Variants in ARID4B observed in about 807,000 individuals in gnomAD.
ARID4B encodes AT-rich interactive domain-containing protein 4B.
A neutral mutation model predicts 147.5 loss-of-function variants in ARID4B; 26 were observed. That is an observed-to-expected ratio of 0.18 (90% CI 0.13 to 0.24). The LOEUF is 0.24. Ranked by LOEUF, ARID4B falls within the 10% of genes least tolerant of loss-of-function variation. The pLI is 1.00. For missense variants in ARID4B, 1,179 were observed against 1,511.5 expected (o/e 0.78, Z 3.65); for synonymous variants, 512 against 507.9 (o/e 1.01, Z -0.11).
intron 2 of ARID4B, among the ~76,000 whole-genome samples, chr1:235,270,471 C>G (rs61838767): frequency 2.0e-5 from 3 of 152,060 alleles, no homozygotes; most frequent in African/African-American, 7.2e-5. Context: ...ACCTAAGCTA[C>G]TTTAGGTTAT....
chr1:235,182,866 G>A lies in ARID4B; in HGVS notation c.2126-73C>T, dbSNP rs915089049. 8 of 1,433,762 alleles carry A rather than the reference G, an allele frequency of 5.6e-6. No homozygotes were observed. The South Asian group carries it at 1.1e-4, about 20-fold the overall frequency. The allele number at this position is 1,433,762 out of a possible 1,614,324, so 88.8% of individuals were successfully genotyped here. A position where few individuals can be genotyped will look rare whatever the true frequency, so the allele number is the denominator to read the frequency against. On this transcript the variant is annotated intron_variant, in intron 19 of 23. Transcript: ENST00000264183. ...CAATGTCTTCTATGTGCCAGGGACT[G>A]TATATATTAGGTCCTGTGTATACAG...
chr1:235,173,756 AAAAAAAAAAAAAAAAATATATATAT>A (rs1344311076), intron 22 of ARID4B, among the ~76,000 whole-genome samples: 9 of 44,664 alleles, frequency 2.0e-4, no homozygotes, highest in Non-Finnish European at 3.0e-4. Context: ...AAAAAAAAAA[AAAAAAAAAAAAAAAAATATATATAT>A]ATATATATAT....
intron 23 of ARID4B, among the ~76,000 whole-genome samples, chr1:235,170,945 A>G (rs1400054819): frequency 6.7e-6 from 1 of 150,276 alleles, no homozygotes; most frequent in Non-Finnish European, 1.5e-5. Flanking sequence ...CCACACACAC[A>G]CAAGTGGAAG....
At position 235,221,570 on chromosome 1, in the gene ARID4B, A is replaced by G; in HGVS notation, c.1158T>C (p.Tyr386=). ...TATCAATTATACTAACTTACTTTTT[A>G]TAAGCACATTTAACATTGTATCCTG... ...SAAGYNVKCA[Y]KKYLYGFEEY... is the part of the protein sequence containing the mutation. The change falls in exon 14 of 24, where the codon TAT becomes TAC. Residue 386 remains tyrosine, a synonymous_variant. Coordinates refer to ENST00000264183, the MANE Select transcript of ARID4B (RefSeq NM_016374.6). 6.3e-7 allele frequency: 1 copy of G among 1,577,488 alleles called. No individual in the cohort carries two copies. Among genetic ancestry groups the G allele is most frequent in the Admixed American group, 1.7e-5 (1 of 57,368 alleles).
Position 235,175,419 on chromosome 1 carries a change from T to C in ARID4B, c.3449-20A>G, listed in dbSNP as rs1383373525. On this transcript the variant is annotated intron_variant, in intron 21 of 23. Transcript: ENST00000264183. ...TATTTGCTGAAAGAGAAAGAAAAGA[T>C]TTAATAAACAAAAATGTAACAATAA... The C allele has an allele frequency of 6.4e-7, 1 of 1,560,580 alleles. No homozygotes were observed. Among genetic ancestry groups the C allele is most frequent in the East Asian group, 2.2e-5 (1 of 44,600 alleles).
In ARID4B at chr1:235,252,640, G is replaced by C. The variant is rs556461964; in HGVS notation, c.354+90C>G. 3.9e-6 allele frequency: 4 copies of C among 1,023,732 alleles called. No individual in the cohort carries two copies. In the East Asian group the frequency reaches 7.4e-5, roughly 19 times the overall value. 63.4% of individuals were successfully genotyped at this position (1,023,732 alleles called of 1,614,324 possible). ...GTGTATTAATGAACTTTCCTGATTA[G>C]GAAGTAGGTTTACTGAGTTGAGAAA... On this transcript the variant is annotated intron_variant, in intron 6 of 23. Transcript: ENST00000264183.
intron 2 of ARID4B, among the ~76,000 whole-genome samples, chr1:235,324,968 T>C (rs1313224597): frequency 6.6e-6 from 1 of 152,152 alleles, no homozygotes; most frequent in Non-Finnish European, 1.5e-5. Context: ...AAACAAAATT[T>C]AGGCCTAATA....
At chr1:235,271,253 G>A (rs916991393) in intron 2 of ARID4B, among the ~76,000 whole-genome samples, 2 of 152,054 alleles carry the variant, frequency 1.3e-5, no homozygotes, top group African/African-American at 4.8e-5. Flanking sequence ...TACTAAGGAG[G>A]CTGAGGTGGG....
At chr1:235,193,724 G>T (rs1017978205) in intron 19 of ARID4B, among the ~76,000 whole-genome samples, 1 of 152,094 alleles carries the variant, frequency 6.6e-6, no homozygotes, top group Non-Finnish European at 1.5e-5. Flanking sequence ...TACACTTTTT[G>T]AGTGCTGACG....
intron 7 of ARID4B, among the ~76,000 whole-genome samples, chr1:235,246,005 T>C (rs1669279278): frequency 6.6e-6 from 1 of 152,040 alleles, no homozygotes; most frequent in Non-Finnish European, 1.5e-5. Flanking sequence ...AAGGAAAGTG[T>C]GGGGAGACAC....
chr1:235,194,013 C>A lies in ARID4B; in HGVS notation c.2125G>T (p.Ala709Ser). ...ACAACAGAACGATTGTTATGTTTACCTTGAAGTCCATTAAGGATCGAAGTA... is the reference window on the plus strand; with the variant it reads ...ACAACAGAACGATTGTTATGTTTACATTGAAGTCCATTAAGGATCGAAGTA... ...EITSILNGLQ[A>S]SESSAEDSEQ... Residue 709 changes from alanine to serine, a missense_variant and splice_region_variant, in exon 19 of 24, where the codon GCT becomes TCT. This residue lies in a region of ARID4B where 321 missense variants were observed against 342.4 expected (regional missense o/e 0.94). Transcript: ENST00000264183. 1 of 1,585,226 alleles carries A rather than the reference C, an allele frequency of 6.3e-7. No individual in the cohort carries two copies. Among genetic ancestry groups the A allele is most frequent in the South Asian group, 1.1e-5 (1 of 89,962 alleles).
intron 2 of ARID4B, among the ~76,000 whole-genome samples, chr1:235,271,618 G>A (rs1366803116): frequency 1.3e-5 from 2 of 148,658 alleles, no homozygotes; most frequent in Non-Finnish European, 3.0e-5. Flanking sequence ...CAACAAAAGT[G>A]AAACTCTGTT....
intron 19 of ARID4B, among the ~76,000 whole-genome samples, chr1:235,185,406 G>A (rs1206999609): frequency 6.6e-6 from 1 of 151,898 alleles, no homozygotes; most frequent in Admixed American, 6.6e-5. Context: ...ATTAAGCGTT[G>A]TATCCAATTT....
chr1:235,208,932 T>C lies in ARID4B; in HGVS notation c.1841+4837A>G, dbSNP rs573066197. On this transcript the variant is annotated intron_variant, in intron 17 of 23. Transcript: ENST00000264183. Reference sequence around the variant, plus strand: ...CAAACATGCCTAGTGCTTGGTGACATAGTAAGTAATATAGTGCTAGACAAT... The same window carrying C: ...CAAACATGCCTAGTGCTTGGTGACACAGTAAGTAATATAGTGCTAGACAAT... Among the ~76,000 whole-genome samples, 10 of 151,730 alleles carry C rather than the reference T, an allele frequency of 6.6e-5. No individual in the cohort carries two copies. The East Asian group carries it at 1.5e-3, about 23-fold the overall frequency.
At chr1:235,240,636 G>A (rs777049919) in intron 7 of ARID4B, 185 bp from the exon 8 acceptor site, 36 of 611,540 alleles carry the variant, frequency 5.9e-5, no homozygotes, top group Non-Finnish European at 8.9e-5. Context: ...TGAGAGGAAA[G>A]CACATCATTT....
intron 8 of ARID4B, among the ~76,000 whole-genome samples, chr1:235,235,662 T>C (rs1668505394): frequency 1.3e-5 from 2 of 152,272 alleles, no homozygotes; most frequent in African/African-American, 4.8e-5. Flanking sequence ...AATACAGCGA[T>C]ACATTCTGAA....
At chr1:235,298,853 A>C (rs1271029482) in intron 2 of ARID4B, among the ~76,000 whole-genome samples, 3 of 152,146 alleles carry the variant, frequency 2.0e-5, no homozygotes, top group Middle Eastern at 3.2e-3. Context: ...CCATACTGTT[A>C]ATGTTTGCCA....
chr1:235,233,386 T>C (rs1468303898), intron 9 of ARID4B, among the ~76,000 whole-genome samples: 1 of 152,080 alleles, frequency 6.6e-6, no homozygotes, highest in Non-Finnish European at 1.5e-5. Context: ...TGAGCCATGA[T>C]CATGTCACTG....
chr1:235,229,560 C>G (rs1471942503), intron 10 of ARID4B, among the ~76,000 whole-genome samples, 175 bp from the exon 11 acceptor site: 1 of 152,188 alleles, frequency 6.6e-6, no homozygotes, highest in Non-Finnish European at 1.5e-5. Context: ...ATATTTAATC[C>G]TATCCATCCT....
Sources: allele counts gnomAD v4.1 joint callset (sites outside exome capture counted in the v4.1 genomes callset), GRCh38; gene constraint gnomAD v4.1.1; regional missense constraint gnomAD v4.1.1; transcripts MANE v1.5; gene names NCBI Gene and HGNC (gene_info 2026-07-23, HGNC 2026-07-21).